Variants in UGGT1 observed in about 807,000 individuals in gnomAD.
The protein encoded by UGGT1 is UDP-glucose glycoprotein glucosyltransferase 1.
UGGT1 carries 107 observed loss-of-function variants against 203.9 expected under a neutral mutation model. The observed-to-expected ratio is 0.52, with a 90% CI of 0.45 to 0.62. The LOEUF (loss-of-function observed/expected upper bound fraction) is 0.62. Ranked by LOEUF, UGGT1 falls within the 20% of genes least tolerant of loss-of-function variation. The pLI, the probability that UGGT1 is intolerant of heterozygous loss-of-function variation, is 0.00. For synonymous variants in UGGT1, 628 were observed against 653.5 expected (o/e 0.96, Z 0.59); for missense variants, 1,673 against 1,867.2 (o/e 0.90, Z 1.92).
chr2:128,128,315 CTT>C (rs11453340), intron 12 of UGGT1, among the ~76,000 whole-genome samples: 3 of 141,082 alleles, frequency 2.1e-5, no homozygotes, highest in Non-Finnish European at 3.0e-5. Context: ...TCCTTTCTAT[CTT>C]TTTTTTTTTT....
intron 13 of UGGT1, among the ~76,000 whole-genome samples, chr2:128,129,523 C>T (rs767329184): frequency 1.8e-4 from 27 of 151,738 alleles, no homozygotes; most frequent in African/African-American, 5.8e-4. Context: ...CTCAGCCTCC[C>T]GAGTAGCTGG....
At chr2:128,157,956 A>G (rs1180175934) in intron 22 of UGGT1, among the ~76,000 whole-genome samples, 2 of 152,020 alleles carry the variant, frequency 1.3e-5, no homozygotes, top group East Asian at 1.9e-4. Flanking sequence ...ATACCTCACA[A>G]CCCTCCTCAT....
At chr2:128,107,531 G>A (rs1372224987) in intron 3 of UGGT1, among the ~76,000 whole-genome samples, 1 of 152,228 alleles carries the variant, frequency 6.6e-6, no homozygotes, top group East Asian at 1.9e-4. Context: ...AAATAATTTA[G>A]TAAATGATAT....
intron 28 of UGGT1, among the ~76,000 whole-genome samples, chr2:128,172,116 G>A (rs1691135452): frequency 6.6e-6 from 1 of 152,176 alleles, no homozygotes; most frequent in Non-Finnish European, 1.5e-5. Flanking sequence ...TAGCCTGAGA[G>A]CCCAATCAGT....
At chr2:128,160,219 A>C (rs1690456709) in intron 23 of UGGT1, among the ~76,000 whole-genome samples, 1 of 152,208 alleles carries the variant, frequency 6.6e-6, no homozygotes, top group African/African-American at 2.4e-5. Context: ...TGCAGAGTAA[A>C]GGAATGATGA....
Position 128,161,060 on chromosome 2 carries a change from C to T in UGGT1, c.2695-78C>T, listed in dbSNP as rs554541494. 42 of 1,559,936 alleles carry T rather than the reference C, an allele frequency of 2.7e-5. No individual in the cohort carries two copies. The Middle Eastern group carries it at 5.5e-4, about 20-fold the overall frequency. On this transcript the variant is annotated intron_variant, in intron 24 of 40. Transcript: ENST00000259253. The stretch of plus-strand genomic sequence containing the variant: ...TCTGGCGTATGAGGTAGCCTGAGGA[C>T]GCCAGAGGGTTCCTTACCAGCTTGC...
At chr2:128,107,825 G>C in intron 3 of UGGT1, 113 bp from the exon 4 acceptor site, 1 of 1,428,906 alleles carries the variant, frequency 7.0e-7, no homozygotes, top group Non-Finnish European at 9.6e-7. Flanking sequence ...CAATATACTG[G>C]TAAAACTTGC....
At chr2:128,134,460 G>C (rs753778449) in intron 14 of UGGT1, among the ~76,000 whole-genome samples, 31 of 152,204 alleles carry the variant, frequency 2.0e-4, no homozygotes, top group African/African-American at 7.2e-4. Context: ...CACGTAATAC[G>C]TGTTTATATG....
chr2:128,107,679 T>C (rs1013502795), intron 3 of UGGT1, among the ~76,000 whole-genome samples: 1 of 152,190 alleles, frequency 6.6e-6, no homozygotes, highest in Non-Finnish European at 1.5e-5. Flanking sequence ...TGAGGAAGTA[T>C]GTAGCTGTAA....
chr2:128,157,339 A>G lies in UGGT1; in HGVS notation c.2348A>G (p.Lys783Arg), dbSNP rs1343284693. Residue 783 changes from lysine to arginine, a missense_variant, in exon 22 of 41, where the codon AAA (lysine) becomes AGA (arginine). Physicochemically the swap from Lys to Arg is conservative, Grantham distance 26. Coordinates refer to ENST00000259253, the MANE Select transcript of UGGT1 (RefSeq NM_020120.4). ...SGRQLLYDAI[K>R]HQKSSNNVRI... is the part of the protein sequence containing the mutation. The stretch of plus-strand genomic sequence containing the variant: ...CGGCAGTTACTGTATGATGCCATCA[A>G]ACATCAGGCAAGTATCTATGACTTC... 1.2e-6 allele frequency: 2 copies of G among 1,613,222 alleles called. No individual in the cohort carries two copies. Among genetic ancestry groups the G allele is most frequent in the East Asian group, 2.2e-5 (1 of 44,876 alleles).
chr2:128,164,598 A>G, intron 25 of UGGT1, 132 bp from the exon 26 acceptor site: 1 of 678,464 alleles, frequency 1.5e-6, no homozygotes. Context: ...TCTCATGCCT[A>G]TCAGTACGGA....
chr2:128,128,906 T>C, intron 12 of UGGT1, 123 bp from the exon 13 acceptor site: 1 of 990,286 alleles, frequency 1.0e-6, no homozygotes, highest in South Asian at 2.0e-5. Flanking sequence ...TTATTGCTTT[T>C]TTAAATTTCT....
At chr2:128,163,102 G>A (rs1431223787) in intron 25 of UGGT1, among the ~76,000 whole-genome samples, 1 of 152,160 alleles carries the variant, frequency 6.6e-6, no homozygotes, top group Admixed American at 6.5e-5. Context: ...TCAGCCTTCA[G>A]GGAGTTTCTT....
rs1211235281 is a variant in UGGT1 at position 128,192,530 on chromosome 2, TTTTG to T, written c.*2794_*2797del. On this transcript the variant is annotated 3_prime_UTR_variant, in exon 41 of 41. Coordinates refer to ENST00000259253, the MANE Select transcript of UGGT1 (RefSeq NM_020120.4). The stretch of plus-strand genomic sequence containing the variant: ...CTCTCAATCATGCCATAGTGGAGAC[TTTTG>T]TTTGTGAGTAAGTGACAGAGTAATA... 6.6e-6 allele frequency: 1 copy of T among 152,194 alleles called. No individual in the cohort carries two copies. Among genetic ancestry groups the T allele is most frequent in the African/African-American group, 2.4e-5 (1 of 41,438 alleles). The allele number at this position is 152,194 out of a possible 1,614,324, so 9.4% of individuals were successfully genotyped here.
rs542438954 is a variant in UGGT1 at position 128,166,470 on chromosome 2, A to T, written c.2921+1645A>T. Reference sequence around the variant, plus strand: ...TGTAACCTTGATACAGTAATATTAAAACACAATTTCTGTTCACATGACTCC... The same window carrying T: ...TGTAACCTTGATACAGTAATATTAATACACAATTTCTGTTCACATGACTCC... On this transcript the variant is annotated intron_variant, in intron 26 of 40. Transcript: ENST00000259253. Among the ~76,000 whole-genome samples the T allele has an allele frequency of 5.3e-5, 8 of 152,310 alleles. No homozygotes were observed. The South Asian group carries it at 1.2e-3, about 24-fold the overall frequency.
intron 1 of UGGT1, among the ~76,000 whole-genome samples, chr2:128,094,417 A>G (rs1055967979): frequency 1.3e-5 from 2 of 152,228 alleles, no homozygotes; most frequent in Non-Finnish European, 1.5e-5. Context: ...TTACTACAAC[A>G]ATCAATTCTG....
At chr2:128,095,122 C>T (rs1338428166) in intron 1 of UGGT1, among the ~76,000 whole-genome samples, 1 of 152,088 alleles carries the variant, frequency 6.6e-6, no homozygotes, top group Non-Finnish European at 1.5e-5. Context: ...ATGTCAGTAA[C>T]TTTACTAGAT....
chr2:128,115,139 C>G lies in UGGT1; in HGVS notation c.712C>G (p.Pro238Ala), dbSNP rs759206201. The change falls in exon 7 of 41, where the codon CCT becomes GCT. Residue 238 changes from proline (P) to alanine (A), a missense_variant. By Grantham distance (27) the Pro-to-Ala change is conservative (BLOSUM62 -1). This residue lies in a region of UGGT1 where 1,073 missense variants were observed against 1,078.7 expected (regional missense o/e 0.99). Coordinates refer to ENST00000259253, the MANE Select transcript of UGGT1 (RefSeq NM_020120.4). The part of the protein sequence containing the change: ...RHYIFNPRKE[P>A]VYLSGYGVEL... ...TTACTTGCAGAATCCCAGGAAGGAG[C>G]CTGTTTACCTCTCTGGCTATGGCGT... 3.3e-5 allele frequency: 54 copies of G among 1,613,752 alleles called. No homozygotes were observed. Among genetic ancestry groups the G allele is most frequent in the Non-Finnish European group, 4.5e-5 (53 of 1,179,888 alleles).
At chr2:128,123,317 C>A in intron 11 of UGGT1, 71 bp downstream of exon 11, 1 of 1,326,630 alleles carries the variant, frequency 7.5e-7, no homozygotes. Flanking sequence ...TGAGTTTAAT[C>A]AGCAGCATTT....
Sources: gnomAD v4.1 joint callset for allele counts (sites outside exome capture counted in the v4.1 genomes callset) on GRCh38, gnomAD v4.1.1 for gene constraint, gnomAD v4.1.1 regional missense constraint, MANE v1.5 for transcripts, NCBI Gene and HGNC (gene_info 2026-07-23, HGNC 2026-07-21) for gene names.